AKR1B15: variants seen among roughly 807,000 people sequenced by gnomAD.
AKR1B15 encodes the protein aldo-keto reductase family 1 member B15.
Under a neutral mutation model 38.5 loss-of-function variants are expected in AKR1B15, and 49 were observed. The observed-to-expected ratio is 1.27, with a 90% CI of 1.01 to 1.62. AKR1B15 has a LOEUF of 1.62. Among genes scored for constraint, AKR1B15 ranks in the 40% most tolerant of loss-of-function variants. The probability of loss-of-function intolerance (pLI) is 0.00; values close to 1 mark genes in which losing one functional copy is unlikely to be tolerated. For missense variants in AKR1B15, 411 were observed against 381.6 expected, an observed-to-expected ratio of 1.08 and a Z score of -0.64; for synonymous variants, 137 against 135.5, an observed-to-expected ratio of 1.01 and a Z score of -0.08.
intron 3 of AKR1B15, 92 bp downstream of exon 3, chr7:134,564,861 TC>T: frequency 1.9e-6 from 1 of 525,998 alleles, no homozygotes; most frequent in Non-Finnish European, 3.4e-6. Flanking sequence ...CAGCTGGACT[TC>T]CTGGGTCAAG....
chr7:134,579,238 G>T (rs1324153220), intron 11 of AKR1B15, among the ~76,000 whole-genome samples: 1 of 152,120 alleles, frequency 6.6e-6, no homozygotes, highest in Admixed American at 6.5e-5. Flanking sequence ...GACAAGACTT[G>T]TCTGTCACCT....
At chr7:134,564,805 C>T (rs1794496598) in intron 3 of AKR1B15, 36 bp downstream of exon 3, 3 of 625,550 alleles carry the variant, frequency 4.8e-6, no homozygotes, top group Non-Finnish European at 8.6e-6. Flanking sequence ...CAATTCCCAA[C>T]AGCAGTTGTG....
At chr7:134,554,038 C>T (rs1390011241) in intron 1 of AKR1B15, among the ~76,000 whole-genome samples, 2 of 152,224 alleles carry the variant, frequency 1.3e-5, no homozygotes, top group Non-Finnish European at 2.9e-5. Flanking sequence ...AGCAGGTATG[C>T]TTTTGCTACT....
rs749112225 is a variant in AKR1B15, at chr7:134,576,948, C to T, written c.826-15C>T. On this transcript the variant is annotated splice_polypyrimidine_tract_variant and intron_variant, in intron 9 of 11. Transcript: ENST00000457545. ...TTGTAGCTGAGTGGAAACATGATGT[C>T]CCCTTTCTGCACAGGTTCTGATCCG... The T allele has an allele frequency of 1.9e-6, 3 of 1,609,254 alleles. No homozygotes were observed. Among genetic ancestry groups the T allele is most frequent in the Non-Finnish European group, 2.6e-6 (3 of 1,175,686 alleles).
chr7:134,572,119 T>A (rs941162716), intron 6 of AKR1B15, among the ~76,000 whole-genome samples: 5 of 152,156 alleles, frequency 3.3e-5, no homozygotes, highest in African/African-American at 1.2e-4. Context: ...CTTAAGATGG[T>A]TTACGTGCCG....
At chr7:134,551,272 C>T (rs1232598909) in intron 1 of AKR1B15, among the ~76,000 whole-genome samples, 1 of 152,198 alleles carries the variant, frequency 6.6e-6, no homozygotes, top group African/African-American at 2.4e-5. Flanking sequence ...GGTGGCCCCG[C>T]TCCTCCCACT....
intron 2 of AKR1B15, among the ~76,000 whole-genome samples, chr7:134,561,751 G>A (rs1292695307): frequency 6.6e-6 from 1 of 151,768 alleles, no homozygotes; most frequent in Non-Finnish European, 1.5e-5. Flanking sequence ...GCCCTGGCCT[G>A]TCATGGCATG....
At chr7:134,562,601 C>T (rs1240207314) in intron 2 of AKR1B15, among the ~76,000 whole-genome samples, 1 of 152,034 alleles carries the variant, frequency 6.6e-6, no homozygotes, top group Non-Finnish European at 1.5e-5. Context: ...GTGCATTTTA[C>T]AATCCTAGCT....
At chr7:134,561,941 TC>T (rs2117637444) in intron 2 of AKR1B15, among the ~76,000 whole-genome samples, 1 of 152,282 alleles carries the variant, frequency 6.6e-6, no homozygotes, top group South Asian at 2.1e-4. Flanking sequence ...AGGGAAACCA[TC>T]ACAGGGAAAG....
In AKR1B15 at chr7:134,569,514, G is replaced by C. The variant is rs1186250980; in HGVS notation, c.420G>C (p.Trp140Cys). ...ATCTGGACGTCTATCTTATTCACTG[G>C]CCACAGGGATTCAAGGTTTGAGTGA... Reference protein sequence around the residue: ...LSYLDVYLIHWPQGFKTGDDF... With the variant: ...LSYLDVYLIHCPQGFKTGDDF... The change falls in exon 5 of 12, where the codon TGG becomes TGC. Residue 140 changes from tryptophan (W) to cysteine (C), a missense_variant. By Grantham distance (215) the Trp-to-Cys change is radical. This residue lies in a region of AKR1B15 where 254 missense variants were observed against 212.4 expected (regional missense o/e 1.20). Transcript: ENST00000457545. 1.2e-6 allele frequency: 2 copies of C among 1,613,848 alleles called. No individual in the cohort carries two copies. The highest frequency in any genetic ancestry group is 2.7e-5 in the African/African-American group (2 of 74,896).
intron 2 of AKR1B15, among the ~76,000 whole-genome samples, chr7:134,562,846 CTTTCTTTCT>C (rs943285257): frequency 4.4e-5 from 4 of 91,806 alleles, no homozygotes; most frequent in African/African-American, 2.2e-4. Flanking sequence ...TTCTTTCTTT[CTTTCTTTCT>C]TTCTTTCTTT....
At chr7:134,551,256 G>A (rs552316828) in intron 1 of AKR1B15, among the ~76,000 whole-genome samples, 39 of 152,262 alleles carry the variant, frequency 2.6e-4, no homozygotes, top group African/African-American at 8.4e-4. Flanking sequence ...GGCCTCAGCC[G>A]GAGGAGGTGG....
chr7:134,560,954 A>G (rs1794370427), intron 2 of AKR1B15, among the ~76,000 whole-genome samples: 2 of 152,284 alleles, frequency 1.3e-5, no homozygotes, highest in South Asian at 4.1e-4. Flanking sequence ...TTTTTCCTTA[A>G]AAAATTTTTG....
chr7:134,565,042 T>C, intron 3 of AKR1B15: 1 of 318,514 alleles, frequency 3.1e-6, no homozygotes, highest in Non-Finnish European at 5.8e-6. Flanking sequence ...CAGCACTCTG[T>C]AAAATGGAAC....
chr7:134,551,772 C>A (rs1453580583), intron 1 of AKR1B15, among the ~76,000 whole-genome samples: 1 of 152,146 alleles, frequency 6.6e-6, no homozygotes, highest in South Asian at 2.1e-4. Context: ...TGAGAGGACT[C>A]CCCTATAAAG....
intron 2 of AKR1B15, among the ~76,000 whole-genome samples, chr7:134,563,636 A>G (rs1046408041): frequency 5.9e-5 from 9 of 152,202 alleles, no homozygotes; most frequent in African/African-American, 1.9e-4. Context: ...CTCTTTAGCT[A>G]GCAGATTGTA....
rs1235324212 is a variant in AKR1B15 at position 134,572,410 on chromosome 7, T to C, written c.513+729T>C. On this transcript the variant is annotated intron_variant, in intron 6 of 11. Transcript: ENST00000457545. ...TTGGGAAGCCGAGGTGGAAGGATCA[T>C]GAGGTCAGAAGTTTGAGACCAGTCT... Among the ~76,000 whole-genome samples, 7 of 152,104 alleles carry C rather than the reference T, an allele frequency of 4.6e-5. No homozygotes were observed. The East Asian group carries it at 1.3e-3, about 29-fold the overall frequency.
At chr7:134,561,797 G>A (rs1262523194) in intron 2 of AKR1B15, among the ~76,000 whole-genome samples, 1 of 152,098 alleles carries the variant, frequency 6.6e-6, no homozygotes, top group African/African-American at 2.4e-5. Context: ...ATGTTCCCTA[G>A]ACTGCTGACT....
intron 1 of AKR1B15, among the ~76,000 whole-genome samples, chr7:134,550,248 G>A (rs1030456580): frequency 1.7e-4 from 26 of 151,946 alleles, no homozygotes; most frequent in African/African-American, 6.0e-4. Flanking sequence ...ACCTCTTTTG[G>A]CTACTCTCCA....
Sources: allele counts gnomAD v4.1 joint callset (sites outside exome capture counted in the v4.1 genomes callset), GRCh38; gene constraint gnomAD v4.1.1; regional missense constraint gnomAD v4.1.1; transcripts MANE v1.5; gene names NCBI Gene and HGNC (gene_info 2026-07-23, HGNC 2026-07-21).